CNTN4: variants seen among roughly 807,000 people sequenced by gnomAD.
CNTN4 encodes the protein contactin 4, also known as contactin-4.
CNTN4 carries 77 observed loss-of-function variants against 122.5 expected under a neutral mutation model. The ratio of observed to expected loss-of-function variants is 0.63; its 90% CI spans 0.52 to 0.76. The LOEUF (loss-of-function observed/expected upper bound fraction) is 0.76, where lower values mean the gene tolerates loss of function less well. CNTN4 is among the 30% of genes least tolerant of loss of function. The pLI, the probability that CNTN4 is intolerant of heterozygous loss-of-function variation, is 0.00. For missense variants in CNTN4, 1,256 were observed against 1,259.1 expected (o/e 1.00, Z 0.04); for synonymous variants, 512 against 447.0 (o/e 1.15, Z -1.83).
chr3:2,698,902 A>T (rs2086197644), intron 4 of CNTN4, among the ~76,000 whole-genome samples: 1 of 152,136 alleles, frequency 6.6e-6, no homozygotes, highest in South Asian at 2.1e-4. Context: ...AGGCTCCTGT[A>T]ATCCCAGCTA....
chr3:2,526,178 T>C (rs1420388503), intron 3 of CNTN4, among the ~76,000 whole-genome samples: 1 of 152,084 alleles, frequency 6.6e-6, no homozygotes, highest in Non-Finnish European at 1.5e-5. Context: ...AGGCCCTTCA[T>C]GCGCCCCACA....
At chr3:2,189,598 C>T (rs115230322) in intron 2 of CNTN4, among the ~76,000 whole-genome samples, 6 of 152,236 alleles carry the variant, frequency 3.9e-5, no homozygotes, top group Admixed American at 6.5e-5. Flanking sequence ...ATATTCTTCT[C>T]GCCTCCATGT....
rs71058630 is a variant in CNTN4, at chr3:2,600,008, CTTTTTTTTTTT to C, written c.55+28467_55+28477del. 2.8e-3 allele frequency among the ~76,000 whole-genome samples: 116 copies of C among 41,758 alleles called. 1 individual carries two copies. Among genetic ancestry groups the C allele is most frequent in the African/African-American group, 0.012 (97 of 8,340 alleles). 27.4% of individuals were successfully genotyped at this position (41,758 alleles called of 152,430 possible). On this transcript the variant is annotated intron_variant, in intron 4 of 24. Coordinates refer to ENST00000418658, the MANE Select transcript of CNTN4 (RefSeq NM_175607.3). ...CTCTATTTTGGTTTATGGAATTCTT[CTTTTTTTTTTT>C]TTTTTTTTTTTTTTTTGCCAAAACA... is the stretch of plus-strand genomic sequence containing the variant.
At chr3:2,477,108 A>G (rs900657553) in intron 3 of CNTN4, among the ~76,000 whole-genome samples, 11 of 152,310 alleles carry the variant, frequency 7.2e-5, no homozygotes, top group East Asian at 1.9e-4. Context: ...AACAAAAATA[A>G]ATGTAAAATC....
intron 13 of CNTN4, among the ~76,000 whole-genome samples, chr3:2,982,914 A>G (rs146797401): frequency 7.8e-6 from 1 of 128,756 alleles, no homozygotes; most frequent in Admixed American, 7.9e-5. Context: ...TCACATCACT[A>G]AAAAAAATAG....
At chr3:2,376,334 A>G in intron 3 of CNTN4, among the ~76,000 whole-genome samples, 1 of 152,312 alleles carries the variant, frequency 6.6e-6, no homozygotes, top group South Asian at 2.1e-4. Flanking sequence ...CGTTCCTAGT[A>G]AGTGCACAAT....
chr3:2,924,800 A>G (rs763777997), intron 12 of CNTN4, among the ~76,000 whole-genome samples: 20 of 152,146 alleles, frequency 1.3e-4, no homozygotes, highest in Non-Finnish European at 2.4e-4. Context: ...GCTAAACAAA[A>G]CCCTGTGTTT....
At chr3:2,382,516 A>T (rs569413907) in intron 3 of CNTN4, among the ~76,000 whole-genome samples, 56 of 152,280 alleles carry the variant, frequency 3.7e-4, no homozygotes, top group African/African-American at 1.3e-3. Flanking sequence ...TTTAGCCTAA[A>T]TCTGTAATCA....
intron 2 of CNTN4, among the ~76,000 whole-genome samples, chr3:2,198,116 G>A (rs932247963): frequency 2.6e-5 from 4 of 152,074 alleles, no homozygotes; most frequent in Admixed American, 6.6e-5. Context: ...AGCACATGGG[G>A]TTCCTGATTA....
At chr3:2,389,598 C>T (rs1021260143) in intron 3 of CNTN4, among the ~76,000 whole-genome samples, 1 of 151,484 alleles carries the variant, frequency 6.6e-6, no homozygotes, top group Non-Finnish European at 1.5e-5. Context: ...CTTTTCTTTC[C>T]TTTTACTATG....
chr3:2,691,037 G>C (rs2085710334), intron 4 of CNTN4, among the ~76,000 whole-genome samples: 1 of 152,128 alleles, frequency 6.6e-6, no homozygotes, highest in Admixed American at 6.6e-5. Flanking sequence ...CAAATAATCA[G>C]CTTTGCCCTT....
intron 2 of CNTN4, among the ~76,000 whole-genome samples, chr3:2,338,194 A>G (rs1278392443): frequency 1.3e-5 from 2 of 152,044 alleles, no homozygotes; most frequent in African/African-American, 4.8e-5. Context: ...TATGAAGAAT[A>G]CCTGTTTAGT....
intron 3 of CNTN4, among the ~76,000 whole-genome samples, chr3:2,358,990 G>A (rs2044995841): frequency 6.6e-6 from 1 of 152,102 alleles, no homozygotes; most frequent in African/African-American, 2.4e-5. Flanking sequence ...TTGTGGTTAG[G>A]TGCTACTGGT....
intron 3 of CNTN4, among the ~76,000 whole-genome samples, chr3:2,520,757 A>G: frequency 6.6e-6 from 1 of 152,074 alleles, no homozygotes; most frequent in Non-Finnish European, 1.5e-5. Flanking sequence ...ATAAAGGAAC[A>G]GAGAACACAG....
intron 3 of CNTN4, among the ~76,000 whole-genome samples, chr3:2,557,580 T>C (rs2078771315): frequency 6.6e-6 from 1 of 151,908 alleles, no homozygotes; most frequent in African/African-American, 2.4e-5. Flanking sequence ...ACAAAACAAA[T>C]TAGCTGGGCG....
At chr3:2,446,465 T>A (rs577146081) in intron 3 of CNTN4, among the ~76,000 whole-genome samples, 8 of 152,314 alleles carry the variant, frequency 5.3e-5, no homozygotes, top group Non-Finnish European at 1.2e-4. Context: ...TTAACTGGCA[T>A]CTTTCTTAAA....
chr3:2,210,766 T>C (rs1166644465), intron 2 of CNTN4, among the ~76,000 whole-genome samples: 1 of 152,190 alleles, frequency 6.6e-6, no homozygotes, highest in Non-Finnish European at 1.5e-5. Flanking sequence ...TTGACATCTT[T>C]TGTCTTTTTG....
At chr3:2,261,156 T>A (rs898421127) in intron 2 of CNTN4, among the ~76,000 whole-genome samples, 1 of 151,856 alleles carries the variant, frequency 6.6e-6, no homozygotes, top group Non-Finnish European at 1.5e-5. Flanking sequence ...AAATTCCTAA[T>A]TTTTTTTTCC....
chr3:2,748,651 T>C (rs7614036), intron 6 of CNTN4, among the ~76,000 whole-genome samples: 49,269 of 152,068 alleles, frequency 0.32, 9,679 homozygotes, highest in African/African-American at 0.56. Context: ...TCCAATTTCA[T>C]CCACGTGTTT....
Sources: allele counts gnomAD v4.1 joint callset (sites outside exome capture counted in the v4.1 genomes callset), GRCh38; gene constraint gnomAD v4.1.1; transcripts MANE v1.5; gene names NCBI Gene and HGNC (gene_info 2026-07-23, HGNC 2026-07-21).